The following LIPA variants were observed in gnomAD, a reference collection of about 807,000 sequenced individuals.
LIPA encodes the protein lysosomal acid lipase/cholesteryl ester hydrolase.
In LIPA, 26 loss-of-function variants were observed where a neutral mutation model predicts 40.6. That is an observed-to-expected ratio of 0.64 (90% CI 0.47 to 0.89). The LOEUF (loss-of-function observed/expected upper bound fraction) is 0.89, where lower values mean the gene tolerates loss of function less well. LIPA is among the 40% of genes least tolerant of loss of function. The probability of loss-of-function intolerance (pLI) is 0.00; values close to 1 mark genes in which losing one functional copy is unlikely to be tolerated. For missense variants in LIPA, 455 were observed against 479.6 expected (o/e 0.95, Z 0.48); for synonymous variants, 188 against 168.4 (o/e 1.12, Z -0.90).
At chr10:89,372,640 G>A (rs1460328991) in intron 2 of LIPA, among the ~76,000 whole-genome samples, 1 of 152,212 alleles carries the variant, frequency 6.6e-6, no homozygotes, top group Non-Finnish European at 1.5e-5. Flanking sequence ...TGGACAAGGA[G>A]CTTAGAGCAA....
chr10:89,318,703 C>T (rs1843555108), intron 1 of LIPA, among the ~76,000 whole-genome samples: 1 of 152,138 alleles, frequency 6.6e-6, no homozygotes, highest in South Asian at 2.1e-4. Context: ...CAGCTCTGCA[C>T]CAAGCAGACC....
In LIPA at chr10:89,225,090, AC is replaced by A; in HGVS notation, c.675+1del. The A allele has an allele frequency of 6.2e-7, 1 of 1,613,926 alleles. No individual in the cohort carries two copies. Among genetic ancestry groups the A allele is most frequent in the Non-Finnish European group, 8.5e-7 (1 of 1,180,008 alleles). On this transcript the variant is annotated splice_donor_variant, in intron 6 of 9. Coordinates refer to ENST00000336233, the MANE Select transcript of LIPA (RefSeq NM_000235.4). LOFTEE classifies it high-confidence loss of function. ...GGAGAGGGATGGGAGGGGTCCAAGT[AC>A]CTTAATGAGATGATCTGGTAATCGT...
At chr10:89,298,876 G>A (rs558880335) in intron 1 of LIPA, among the ~76,000 whole-genome samples, 6 of 151,938 alleles carry the variant, frequency 3.9e-5, no homozygotes, top group Non-Finnish European at 7.4e-5. Flanking sequence ...ATCCCAGCTC[G>A]AGAGGCTGAG....
At chr10:89,374,773 G>C (rs1310244133) in intron 2 of LIPA, among the ~76,000 whole-genome samples, 1 of 152,140 alleles carries the variant, frequency 6.6e-6, no homozygotes, top group Admixed American at 6.5e-5. Flanking sequence ...GAGGAAATGA[G>C]TCCCATTCCA....
upstream of LIPA, among the ~76,000 whole-genome samples, chr10:89,254,989 T>C (rs1024799956): frequency 1.3e-5 from 2 of 152,202 alleles, no homozygotes; most frequent in Admixed American, 1.3e-4. Context: ...AGCATTTTGG[T>C]CAAAGCCATT....
At chr10:89,363,774 CAA>C (rs760221407) in intron 2 of LIPA, among the ~76,000 whole-genome samples, 22 of 93,074 alleles carry the variant, frequency 2.4e-4, no homozygotes, top group South Asian at 4.5e-4. Flanking sequence ...CAGACTCCAT[CAA>C]AAAAAAAAAA....
At chr10:89,252,261 T>A (rs958123184), upstream of LIPA, among the ~76,000 whole-genome samples, 6 of 152,246 alleles carry the variant, frequency 3.9e-5, no homozygotes, top group South Asian at 2.1e-4. Flanking sequence ...ATTAAAGATT[T>A]GTTAAAAGAG....
intron 2 of LIPA, chr10:89,383,994 T>C (rs1333169085): frequency 6.2e-7 from 1 of 1,614,190 alleles, no homozygotes; most frequent in Admixed American, 1.7e-5. Flanking sequence ...CCCTGAAGCT[T>C]CAGGATGAAG....
intron 2 of LIPA, chr10:89,405,755 G>A (rs1844519451): frequency 6.6e-6 from 1 of 152,094 alleles, no homozygotes; most frequent in Non-Finnish European, 1.5e-5. Context: ...TTCTTCTAAG[G>A]ACGCACCAGG....
chr10:89,248,382 A>T (rs1843061446), intron 1 of LIPA, among the ~76,000 whole-genome samples: 1 of 150,218 alleles, frequency 6.7e-6, no homozygotes, highest in Admixed American at 6.6e-5. Flanking sequence ...GGCTGGTCTC[A>T]GATGACTTCG....
intron 1 of LIPA, among the ~76,000 whole-genome samples, chr10:89,295,198 G>A (rs1416158781): frequency 6.6e-6 from 1 of 151,896 alleles, no homozygotes; most frequent in Non-Finnish European, 1.5e-5. Context: ...TGTCATATAG[G>A]TGGGAACACA....
chr10:89,227,002 T>A lies in LIPA; in HGVS notation c.431A>T (p.Tyr144Phe), dbSNP rs1842778541. Reference protein sequence around the residue: ...VSQDEFWAFSYDEMAKYDLPA... With the variant: ...VSQDEFWAFSFDEMAKYDLPA... ...TAGGTCATATTTTGCCATCTCATCA[T>A]AACTGTAATCCAAGAAAGGAACTCT... Residue 144 changes from tyrosine to phenylalanine, a missense_variant and splice_region_variant, in exon 5 of 10, where the codon TAT becomes TTT. Physicochemically the swap from Tyr to Phe is conservative, Grantham distance 22. Transcript: ENST00000336233. 1 of 1,574,292 alleles carries A rather than the reference T, an allele frequency of 6.4e-7. No homozygotes were observed. Among genetic ancestry groups the A allele is most frequent in the Non-Finnish European group, 8.7e-7 (1 of 1,143,548 alleles).
chr10:89,235,882 A>G (rs369518598), intron 3 of LIPA, among the ~76,000 whole-genome samples: 78 of 152,352 alleles, frequency 5.1e-4, no homozygotes, highest in African/African-American at 1.7e-3. Flanking sequence ...AAAGCTGAAT[A>G]AATAATGGTC....
intron 1 of LIPA, among the ~76,000 whole-genome samples, chr10:89,322,104 G>A (rs1843575155): frequency 6.6e-6 from 1 of 152,146 alleles, no homozygotes; most frequent in Non-Finnish European, 1.5e-5. Context: ...AGCATTAGGA[G>A]ATATACCTAA....
intron 1 of LIPA, among the ~76,000 whole-genome samples, chr10:89,248,764 G>A (rs1009254017): frequency 6.6e-6 from 1 of 151,986 alleles, no homozygotes; most frequent in African/African-American, 2.4e-5. Flanking sequence ...ACAGGCGTGA[G>A]CCACCGCGCC....
intron 2 of LIPA, among the ~76,000 whole-genome samples, chr10:89,408,167 T>C (rs1841440985): frequency 6.6e-6 from 1 of 152,164 alleles, no homozygotes; most frequent in Non-Finnish European, 1.5e-5. Context: ...TTGGGACCAA[T>C]TTGACCTGCA....
chr10:89,242,054 G>A (rs1417411800), intron 3 of LIPA, among the ~76,000 whole-genome samples: 1 of 152,084 alleles, frequency 6.6e-6, no homozygotes, highest in South Asian at 2.1e-4. Context: ...CACCAGTGAA[G>A]TGTGTTTAAA....
chr10:89,307,664 C>A (rs1440317639), intron 1 of LIPA: 2 of 303,588 alleles, frequency 6.6e-6, no homozygotes, highest in South Asian at 6.7e-5. Flanking sequence ...TGCTTAGTCA[C>A]CTTTAGTGGA....
chr10:89,368,884 TAC>T (rs1273402783), intron 2 of LIPA, among the ~76,000 whole-genome samples: 8 of 148,908 alleles, frequency 5.4e-5, no homozygotes, highest in African/African-American at 2.0e-4. Context: ...CATATAAACT[TAC>T]ACACACAAAC....
Sources: allele counts gnomAD v4.1 joint callset (sites outside exome capture counted in the v4.1 genomes callset), GRCh38; gene constraint gnomAD v4.1.1; transcripts MANE v1.5; gene names NCBI Gene and HGNC (gene_info 2026-07-23, HGNC 2026-07-21).